Variants in MED13 observed in about 807,000 individuals in gnomAD.
MED13 encodes the protein mediator of RNA polymerase II transcription subunit 13.
Under a neutral mutation model 225.2 loss-of-function variants are expected in MED13, and 23 were observed. The observed-to-expected ratio is 0.10, with a 90% CI of 0.07 to 0.14. MED13 has a LOEUF of 0.14. Ranked by LOEUF, MED13 falls within the 10% of genes least tolerant of loss-of-function variation. The probability of loss-of-function intolerance (pLI) is 1.00; values close to 1 mark genes in which losing one functional copy is unlikely to be tolerated. For missense variants in MED13, 2,197 were observed against 2,594.5 expected (o/e 0.85, Z 3.33); for synonymous variants, 942 against 889.2 (o/e 1.06, Z -1.06).
chr17:61,950,774 C>T, intron 28 of MED13, 51 bp downstream of exon 28: 2 of 1,553,226 alleles, frequency 1.3e-6, no homozygotes, highest in Non-Finnish European at 1.7e-6. Flanking sequence ...TTTCTCAGGA[C>T]TTAGGCTGTC....
At chr17:61,991,278 A>G (rs1334588820) in intron 11 of MED13, among the ~76,000 whole-genome samples, 2 of 146,536 alleles carry the variant, frequency 1.4e-5, no homozygotes, top group East Asian at 4.2e-4. Flanking sequence ...GGCACCACAC[A>G]TGCTTTATTT....
intron 10 of MED13, among the ~76,000 whole-genome samples, chr17:61,992,980 T>C (rs1424574862): frequency 6.6e-6 from 1 of 152,124 alleles, no homozygotes; most frequent in East Asian, 1.9e-4. Flanking sequence ...TTGGCCAGGA[T>C]GGTCTCAATC....
Position 61,984,990 on chromosome 17 carries a change from G to T in MED13, c.2476+10C>A. ...CAAATTTATCTCGAGCACAGATGAG[G>T]GAAGCTTACTTATGCAAGATAACGG... On this transcript the variant is annotated intron_variant, in intron 13 of 29. Transcript: ENST00000397786. 1 of 1,613,232 alleles carries T rather than the reference G, an allele frequency of 6.2e-7. No individual in the cohort carries two copies.
In MED13 at chr17:62,010,550, T is replaced by G; in HGVS notation, c.1967A>C (p.Glu656Ala). 1 of 1,444,662 alleles carries G rather than the reference T, an allele frequency of 6.9e-7. No homozygotes were observed. The highest frequency in any genetic ancestry group is 9.1e-7 in the Non-Finnish European group (1 of 1,094,590). The allele number at this position is 1,444,662 out of a possible 1,614,324, so 89.5% of individuals were successfully genotyped here. ...GGTGACTATTAAAAAAAATACATAC[T>G]CTGTAACTGATGTTACACTTTCCTG... ...FGQESVTSVT[E>A]LMVQCKKPLK... Residue 656 changes from glutamate (E) to alanine (A), a missense_variant and splice_region_variant, in exon 9 of 30, where the codon GAG becomes GCG. Coordinates refer to ENST00000397786, the MANE Select transcript of MED13 (RefSeq NM_005121.3).
intron 2 of MED13, among the ~76,000 whole-genome samples, chr17:62,062,039 C>T (rs1459395619): frequency 6.6e-6 from 1 of 152,122 alleles, no homozygotes; most frequent in East Asian, 1.9e-4. Context: ...GTTCAAGATA[C>T]AGACACCTAG....
At chr17:62,001,142 G>C (rs1386905464) in intron 9 of MED13, among the ~76,000 whole-genome samples, 2 of 152,188 alleles carry the variant, frequency 1.3e-5, no homozygotes, top group Non-Finnish European at 2.9e-5. Context: ...AGTTTGGTAA[G>C]ATTTAGCCTA....
At position 61,966,600 on chromosome 17, in the gene MED13, T is replaced by A. The variant is rs1227268053; in HGVS notation, c.4243A>T (p.Ile1415Phe). 6.2e-7 allele frequency: 1 copy of A among 1,613,646 alleles called. No individual in the cohort carries two copies. Among genetic ancestry groups the A allele is most frequent in the Non-Finnish European group, 8.5e-7 (1 of 1,179,860 alleles). The change falls in exon 19 of 30, where the codon ATC becomes TTC. Residue 1415 changes from isoleucine to phenylalanine, a missense_variant. Around this residue, in one of 12 missense-constraint regions of MED13, gnomAD observed 457 missense variants for 442.2 expected, o/e 1.03. Coordinates refer to ENST00000397786, the MANE Select transcript of MED13 (RefSeq NM_005121.3). ...GATGCAGTAGATCCAACTCTCATGA[T>A]CCCATCTGTTAACAGTCGAGAAACA... is the stretch of plus-strand genomic sequence containing the variant. ...RPVSRLLTDGIMRVGSTASKK... is the reference protein window; with the variant it reads ...RPVSRLLTDGFMRVGSTASKK...
intron 9 of MED13, among the ~76,000 whole-genome samples, chr17:62,008,269 G>A (rs960845182): frequency 7.5e-6 from 1 of 132,576 alleles, no homozygotes; most frequent in Admixed American, 8.2e-5. Flanking sequence ...AGTGAGCAGG[G>A]ATCGCGCAAC....
chr17:62,023,310 C>T (rs942819870), intron 8 of MED13, among the ~76,000 whole-genome samples: 5 of 152,032 alleles, frequency 3.3e-5, no homozygotes, highest in Non-Finnish European at 2.9e-5. Context: ...CTATAGAGAA[C>T]CGGTTATACA....
At chr17:62,001,653 T>C (rs906936628) in intron 9 of MED13, among the ~76,000 whole-genome samples, 2 of 152,166 alleles carry the variant, frequency 1.3e-5, no homozygotes, top group Admixed American at 1.3e-4. Flanking sequence ...AATCTAACCA[T>C]ACCAAACTAC....
At chr17:62,054,214 G>C (rs2080979014) in intron 2 of MED13, among the ~76,000 whole-genome samples, 2 of 151,914 alleles carry the variant, frequency 1.3e-5, no homozygotes, top group Non-Finnish European at 2.9e-5. Context: ...GGCTGAGGTG[G>C]GAGAATCACC....
rs377183161 is a variant in MED13, at chr17:61,982,558, T to C, written c.3445A>G (p.Ile1149Val). ...TTGCCACAGTCTGTATTGCGTCCTA[T>C]GATATCTAGTTCATCTTCAAGAAAT... ...GLFLEDELDI[I>V]GRNTDCGKEA... The change falls in exon 16 of 30, where the codon ATA (isoleucine) becomes GTA (valine). Residue 1149 changes from isoleucine to valine, a missense_variant. Ile to Val is a conservative substitution (Grantham distance 29). Coordinates refer to ENST00000397786, the MANE Select transcript of MED13 (RefSeq NM_005121.3). 9.3e-6 allele frequency: 15 copies of C among 1,614,118 alleles called. No individual in the cohort carries two copies. Among genetic ancestry groups the C allele is most frequent in the East Asian group, 2.2e-5 (1 of 44,892 alleles).
In MED13 at chr17:61,983,018, G is replaced by A. The variant is rs368264817; in HGVS notation, c.2985C>T (p.Asn995=). The A allele has an allele frequency of 2.5e-6, 4 of 1,613,906 alleles. No homozygotes were observed. The highest frequency in any genetic ancestry group is 2.7e-5 in the African/African-American group (2 of 74,904). Residue 995 remains asparagine, a synonymous_variant, in exon 16 of 30, where the codon AAC becomes AAT. Transcript: ENST00000397786. ...GAGAAGGAAGAATTCCTGCTCCGCT[G>A]TTACTAGGAGGTGCACTGCTAGGAG... is the stretch of plus-strand genomic sequence containing the variant. The part of the protein sequence containing the change: ...GMPPSSAPPS[N]SGAGILPSPS...
chr17:62,053,910 T>C (rs2143763806), intron 2 of MED13, among the ~76,000 whole-genome samples: 1 of 152,372 alleles, frequency 6.6e-6, no homozygotes, highest in Non-Finnish European at 1.5e-5. Flanking sequence ...TTAACTGCAC[T>C]AGAAATTCTG....
chr17:61,971,815 T>C (rs2080111778), intron 17 of MED13, among the ~76,000 whole-genome samples: 1 of 151,772 alleles, frequency 6.6e-6, no homozygotes, highest in African/African-American at 2.4e-5. Context: ...GCACCCATAC[T>C]CCCAGCTGTT....
intron 13 of MED13, 22 bp downstream of exon 13, chr17:61,984,978 A>G (rs1261634224): frequency 1.2e-6 from 2 of 1,610,646 alleles, no homozygotes; most frequent in African/African-American, 2.7e-5. Context: ...ATTTATCTCG[A>G]GCACAGATGA....
At chr17:61,955,310 G>A (rs937280871) in intron 26 of MED13, 72 bp downstream of exon 26, 36 of 1,239,504 alleles carry the variant, frequency 2.9e-5, no homozygotes, top group Admixed American at 5.5e-5. Flanking sequence ...ACATTCACAC[G>A]TTTCAGGTAT....
rs1027568798 is a variant in MED13, at chr17:61,972,665, G to C, written c.3967+62C>G. On this transcript the variant is annotated intron_variant, in intron 17 of 29. Transcript: ENST00000397786. ...GAAAACTAATGTGCTTATTCTAGTT[G>C]GGCACAGAAATCTGAGGACTGATAT... 6.5e-6 allele frequency: 9 copies of C among 1,375,090 alleles called. No individual in the cohort carries two copies. The African/African-American group carries it at 1.2e-4, about 18-fold the overall frequency. 85.2% of individuals were successfully genotyped at this position (1,375,090 alleles called of 1,614,324 possible).
chr17:62,062,508 A>G (rs1603410818), intron 2 of MED13, among the ~76,000 whole-genome samples: 1 of 152,144 alleles, frequency 6.6e-6, no homozygotes, highest in East Asian at 1.9e-4. Context: ...TCCAAAAATA[A>G]CTAAATTAAC....
Sources: gnomAD v4.1 joint callset for allele counts (sites outside exome capture counted in the v4.1 genomes callset) on GRCh38, gnomAD v4.1.1 for gene constraint, gnomAD v4.1.1 regional missense constraint, MANE v1.5 for transcripts, NCBI Gene and HGNC (gene_info 2026-07-23, HGNC 2026-07-21) for gene names.